CSMD1: variants seen among roughly 807,000 people sequenced by gnomAD.
The protein encoded by CSMD1 is CUB and Sushi multiple domains 1.
In CSMD1, 213 loss-of-function variants were observed where a neutral mutation model predicts 417.5. That is an observed-to-expected ratio of 0.51 (90% CI 0.46 to 0.57). The LOEUF (loss-of-function observed/expected upper bound fraction) is 0.57. Ranked by LOEUF, CSMD1 falls within the 20% of genes least tolerant of loss-of-function variation. The pLI is 0.00. For missense variants in CSMD1, 6,923 were observed against 4,529.7 expected (o/e 1.53, Z -15.17); for synonymous variants, 2,862 against 1,736.8 (o/e 1.65, Z -16.11).
intron 2 of CSMD1, among the ~76,000 whole-genome samples, chr8:4,537,105 A>G (rs1797139092): frequency 6.6e-6 from 1 of 152,118 alleles, no homozygotes; most frequent in South Asian, 2.1e-4. Flanking sequence ...AATGTGAACT[A>G]TTTTCAAATA....
At chr8:3,908,439 C>G (rs530706343) in intron 5 of CSMD1, among the ~76,000 whole-genome samples, 1 of 152,124 alleles carries the variant, frequency 6.6e-6, no homozygotes, top group African/African-American at 2.4e-5. Context: ...AAACTTTGCT[C>G]GCAGATTTTC....
chr8:4,200,429 C>G (rs1447273745), intron 3 of CSMD1, among the ~76,000 whole-genome samples: 2 of 151,838 alleles, frequency 1.3e-5, no homozygotes, highest in Non-Finnish European at 2.9e-5. Context: ...AAAGAATAAC[C>G]CCACAGCCGT....
intron 1 of CSMD1, among the ~76,000 whole-genome samples, chr8:4,922,113 G>A (rs138489220): frequency 1.8e-4 from 28 of 152,216 alleles, no homozygotes; most frequent in Admixed American, 7.9e-4. Context: ...AGTCACTCTG[G>A]TGAGATTACC....
chr8:3,871,055 T>C (rs1191067641), intron 5 of CSMD1, among the ~76,000 whole-genome samples: 1 of 152,120 alleles, frequency 6.6e-6, no homozygotes, highest in Non-Finnish European at 1.5e-5. Context: ...TTGTGTATTA[T>C]TCCATGACTT....
chr8:4,603,608 A>T (rs946936762), intron 2 of CSMD1, among the ~76,000 whole-genome samples: 33 of 152,186 alleles, frequency 2.2e-4, no homozygotes, highest in African/African-American at 7.7e-4. Context: ...TAGTGCGAAA[A>T]CATGAAAATA....
chr8:4,350,529 G>T (rs912923350), intron 3 of CSMD1, among the ~76,000 whole-genome samples: 159 of 152,248 alleles, frequency 1.0e-3, no homozygotes, highest in African/African-American at 3.6e-3. Context: ...GCCTGAAGGA[G>T]GTAGGAATGG....
At chr8:4,631,723 T>G (rs1276370241) in intron 2 of CSMD1, among the ~76,000 whole-genome samples, 2 of 152,196 alleles carry the variant, frequency 1.3e-5, no homozygotes, top group Non-Finnish European at 2.9e-5. Flanking sequence ...ACAACACTTA[T>G]TCATGATTTT....
chr8:3,796,884 T>C (rs890767529), intron 5 of CSMD1, among the ~76,000 whole-genome samples: 4 of 151,682 alleles, frequency 2.6e-5, no homozygotes, highest in African/African-American at 9.7e-5. Flanking sequence ...AAAATGGAAA[T>C]TCCTCACGGT....
intron 10 of CSMD1, among the ~76,000 whole-genome samples, chr8:3,495,697 T>C (rs545511198): frequency 4.7e-4 from 71 of 152,314 alleles, no homozygotes; most frequent in Admixed American, 1.2e-3. Context: ...TAACCACATA[T>C]ACCATCCTTT....
In CSMD1 at chr8:3,064,552, T is replaced by C. The variant is rs551528244; in HGVS notation, c.7475-11905A>G. 2.6e-5 allele frequency among the ~76,000 whole-genome samples: 4 copies of C among 152,240 alleles called. No homozygotes were observed. The East Asian group carries it at 7.7e-4, about 29-fold the overall frequency. ...AGTCTCAGGTAGTTATTTCTAGTAGTGTGAGAATGGATTAATACAATTAAT... is the reference window on the plus strand; with the variant it reads ...AGTCTCAGGTAGTTATTTCTAGTAGCGTGAGAATGGATTAATACAATTAAT... On this transcript the variant is annotated intron_variant, in intron 49 of 69. Transcript: ENST00000635120.
rs190101501 is a variant in CSMD1, at chr8:4,867,201, C to T, written c.85+127131G>A. Among the ~76,000 whole-genome samples the T allele has an allele frequency of 9.4e-4, 143 of 152,068 alleles. 1 individual carries two copies. Among genetic ancestry groups the T allele is most frequent in the Admixed American group, 6.0e-3 (92 of 15,278 alleles). On this transcript the variant is annotated intron_variant, in intron 1 of 69. Transcript: ENST00000635120. Reference sequence around the variant, plus strand: ...AAAAACTAAAAAATGGTGCATCGTTCCAATCATTTGCCAAGCTAAGAAAGC... The same window carrying T: ...AAAAACTAAAAAATGGTGCATCGTTTCAATCATTTGCCAAGCTAAGAAAGC...
chr8:3,425,246 G>T (rs1585145781), intron 12 of CSMD1, among the ~76,000 whole-genome samples: 1 of 152,246 alleles, frequency 6.6e-6, no homozygotes, highest in East Asian at 1.9e-4. Flanking sequence ...ATCCACTGGG[G>T]GACTTAGAGC....
intron 4 of CSMD1, among the ~76,000 whole-genome samples, chr8:4,023,701 C>G (rs1279203088): frequency 6.6e-6 from 1 of 150,610 alleles, no homozygotes; most frequent in African/African-American, 2.4e-5. Context: ...ATTCTCCTGC[C>G]TCAGCCTCCC....
intron 5 of CSMD1, among the ~76,000 whole-genome samples, chr8:3,819,600 C>T (rs1456222740): frequency 1.3e-5 from 2 of 151,612 alleles, no homozygotes; most frequent in Admixed American, 1.3e-4. Flanking sequence ...CATATATATG[C>T]TGAGACAGGA....
intron 3 of CSMD1, among the ~76,000 whole-genome samples, chr8:4,345,662 A>G (rs1800737245): frequency 6.6e-6 from 1 of 152,116 alleles, no homozygotes; most frequent in Non-Finnish European, 1.5e-5. Flanking sequence ...ACTGGAAGAG[A>G]CCTTTCTCAA....
At chr8:2,998,479 A>C (rs1807110566) in intron 53 of CSMD1, among the ~76,000 whole-genome samples, 1 of 152,232 alleles carries the variant, frequency 6.6e-6, no homozygotes, top group Admixed American at 6.5e-5. Context: ...ATACCAAATG[A>C]TTTAAAAACG....
At position 4,599,363 on chromosome 8, in the gene CSMD1, A is replaced by AT. The variant is rs766327943; in HGVS notation, c.302+37978_302+37979insA. Among the ~76,000 whole-genome samples, 17 of 149,246 alleles carry AT rather than the reference A, an allele frequency of 1.1e-4. No individual in the cohort carries two copies. The East Asian group carries it at 1.6e-3, about 14-fold the overall frequency. On this transcript the variant is annotated intron_variant, in intron 2 of 69. Transcript: ENST00000635120. ...CAGAATAGCATGGTCACCCTGGAAGAATTTTTTTTTTTTCCTTAAAGATCT... is the reference window on the plus strand; with the variant it reads ...CAGAATAGCATGGTCACCCTGGAAGATATTTTTTTTTTTTCCTTAAAGATCT...
intron 4 of CSMD1, among the ~76,000 whole-genome samples, chr8:4,008,787 T>G (rs1816332161): frequency 1.3e-5 from 2 of 151,828 alleles, no homozygotes; most frequent in Admixed American, 1.3e-4. Context: ...ATTTTTTGTG[T>G]TTTTGGTAGA....
chr8:3,534,825 AT>A (rs1798125436), intron 10 of CSMD1, among the ~76,000 whole-genome samples: 1 of 152,238 alleles, frequency 6.6e-6, no homozygotes, highest in Non-Finnish European at 1.5e-5. Flanking sequence ...TTTGGGTCAC[AT>A]TTTGGGAAAC....
Sources: gnomAD v4.1 joint callset for allele counts (sites outside exome capture counted in the v4.1 genomes callset) on GRCh38, gnomAD v4.1.1 for gene constraint, MANE v1.5 for transcripts, NCBI Gene and HGNC (gene_info 2026-07-23, HGNC 2026-07-21) for gene names.